CFAP61: variants seen among roughly 807,000 people sequenced by gnomAD.
The protein encoded by CFAP61 is cilia- and flagella-associated protein 61.
A neutral mutation model predicts 135.6 loss-of-function variants in CFAP61; 107 were observed. The ratio of observed to expected loss-of-function variants is 0.79; its 90% CI spans 0.67 to 0.93. CFAP61 has a LOEUF of 0.93. Ranked by LOEUF, CFAP61 falls within the 40% of genes least tolerant of loss-of-function variation. The pLI is 0.00. For synonymous variants in CFAP61, 575 were observed against 578.5 expected (o/e 0.99, Z 0.09); for missense variants, 1,507 against 1,556.2 (o/e 0.97, Z 0.53).
At position 20,119,005 on chromosome 20, in the gene CFAP61, T is replaced by A. The variant is rs987938213; in HGVS notation, c.859+20191T>A. 3.9e-5 allele frequency among the ~76,000 whole-genome samples: 6 copies of A among 152,136 alleles called. 1 individual carries two copies. The highest frequency in any genetic ancestry group is 1.2e-4 in the African/African-American group (5 of 41,434). The stretch of plus-strand genomic sequence containing the variant: ...CTGGTGAATGATATCTTTAATGTGT[T>A]ATGGAATTTGGTTTGCTAGTGTTTT... On this transcript the variant is annotated intron_variant, in intron 8 of 26. Transcript: ENST00000245957.
At chr20:20,057,250 C>T (rs1272791851) in intron 2 of CFAP61, among the ~76,000 whole-genome samples, 2 of 151,760 alleles carry the variant, frequency 1.3e-5, no homozygotes, top group African/African-American at 4.8e-5. Flanking sequence ...AAAATTGTAG[C>T]AAGAAATCTC....
At chr20:20,311,519 A>G (rs529096122) in intron 25 of CFAP61, among the ~76,000 whole-genome samples, 10 of 152,210 alleles carry the variant, frequency 6.6e-5, no homozygotes, top group Non-Finnish European at 1.2e-4. Context: ...TTCCCAGGCC[A>G]CAGCAAGGGG....
At chr20:20,319,231 A>G (rs1376847069) in intron 25 of CFAP61, among the ~76,000 whole-genome samples, 2 of 152,244 alleles carry the variant, frequency 1.3e-5, no homozygotes, top group East Asian at 3.9e-4. Context: ...TGAGTAAAGC[A>G]GGTCACTTAG....
chr20:20,112,016 G>T (rs2048834274), intron 8 of CFAP61, among the ~76,000 whole-genome samples: 1 of 152,056 alleles, frequency 6.6e-6, no homozygotes, highest in Non-Finnish European at 1.5e-5. Flanking sequence ...TTTTCCATGG[G>T]TTTCCTTTTG....
chr20:20,149,618 C>T (rs2052228714), intron 9 of CFAP61, among the ~76,000 whole-genome samples: 1 of 152,166 alleles, frequency 6.6e-6, no homozygotes, highest in South Asian at 2.1e-4. Context: ...AAAGATTTAA[C>T]CTTACCTGCC....
At chr20:20,283,336 A>G (rs950187698) in intron 22 of CFAP61, among the ~76,000 whole-genome samples, 9 of 152,220 alleles carry the variant, frequency 5.9e-5, no homozygotes, top group African/African-American at 2.2e-4. Flanking sequence ...CCCTTATCTT[A>G]AGGTCCAGAT....
At chr20:20,162,554 A>G (rs1457199519) in intron 10 of CFAP61, among the ~76,000 whole-genome samples, 1 of 152,172 alleles carries the variant, frequency 6.6e-6, no homozygotes, top group Non-Finnish European at 1.5e-5. Context: ...GCTTTTAGGA[A>G]GCTAAAAATG....
intron 8 of CFAP61, among the ~76,000 whole-genome samples, chr20:20,116,942 T>C (rs1249233553): frequency 1.3e-5 from 2 of 152,242 alleles, no homozygotes; most frequent in African/African-American, 4.8e-5. Flanking sequence ...ATATTTTTAA[T>C]GTGTTGTTGA....
chr20:20,246,275 T>G (rs931372583), intron 19 of CFAP61, 60 bp downstream of exon 19: 19 of 1,018,360 alleles, frequency 1.9e-5, no homozygotes, highest in Non-Finnish European at 3.0e-5. Flanking sequence ...GTGTGCAGTC[T>G]ATTTAATGCT....
At chr20:20,287,454 C>A (rs763945606) in intron 22 of CFAP61, among the ~76,000 whole-genome samples, 4 of 152,128 alleles carry the variant, frequency 2.6e-5, no homozygotes, top group Non-Finnish European at 4.4e-5. Context: ...ACTGAGGAAC[C>A]GAATTTTTCA....
intron 8 of CFAP61, among the ~76,000 whole-genome samples, chr20:20,109,843 T>C (rs1347219209): frequency 1.3e-5 from 2 of 152,226 alleles, no homozygotes; most frequent in East Asian, 3.8e-4. Flanking sequence ...TTGTGACCTC[T>C]TTCTCCTGAT....
At chr20:20,226,725 A>G (rs73283167) in intron 17 of CFAP61, among the ~76,000 whole-genome samples, 6,432 of 152,242 alleles carry the variant, frequency 0.042, 466 homozygotes, top group African/African-American at 0.15. Context: ...TTCTTCAACT[A>G]TCATGCAAAA....
chr20:20,355,028 A>ACACTGAGGGGAGGTGG (rs2059018959), intron 26 of CFAP61, among the ~76,000 whole-genome samples: 1 of 41,928 alleles, frequency 2.4e-5, no homozygotes, highest in African/African-American at 8.5e-5. Flanking sequence ...AGGGGAGGTG[A>ACACTGAGGGGAGGTGG]TCACACTGAG....
At chr20:20,280,147 AG>A (rs2054086615) in intron 22 of CFAP61, among the ~76,000 whole-genome samples, 1 of 152,164 alleles carries the variant, frequency 6.6e-6, no homozygotes, top group Non-Finnish European at 1.5e-5. Flanking sequence ...TCCTGGATCA[AG>A]GTTGGCCCTA....
intron 21 of CFAP61, among the ~76,000 whole-genome samples, chr20:20,264,883 C>T (rs1444151208): frequency 1.3e-5 from 2 of 152,226 alleles, no homozygotes; most frequent in East Asian, 3.9e-4. Flanking sequence ...CAGAGCAAGA[C>T]CTTATCTTAA....
At chr20:20,338,021 T>C (rs1490251570) in intron 25 of CFAP61, among the ~76,000 whole-genome samples, 1 of 152,214 alleles carries the variant, frequency 6.6e-6, no homozygotes, top group Non-Finnish European at 1.5e-5. Context: ...CCAAAGTAGA[T>C]GCGTCCATAT....
rs2044282257 is a variant in CFAP61, at chr20:20,055,852, C to T, written c.-36-766C>T. 4 of 960,988 alleles carry T rather than the reference C, an allele frequency of 4.2e-6. No homozygotes were observed. In the East Asian group the frequency reaches 9.7e-5, roughly 23 times the overall value. The allele number at this position is 960,988 out of a possible 1,614,324, so 59.5% of individuals were successfully genotyped here. A position where few individuals can be genotyped will look rare whatever the true frequency, so the allele number is the denominator to read the frequency against. ...CACTGGCTAGTATATAATAAAATGG[C>T]TTTCCCTATGAAGGAAAGAAGGGAG... On this transcript the variant is annotated intron_variant, in intron 1 of 26. Coordinates refer to ENST00000245957, the MANE Select transcript of CFAP61 (RefSeq NM_015585.4).
intron 6 of CFAP61, among the ~76,000 whole-genome samples, chr20:20,080,296 C>T (rs1401331378): frequency 6.6e-6 from 1 of 152,130 alleles, no homozygotes; most frequent in African/African-American, 2.4e-5. Flanking sequence ...TTTCACTTAA[C>T]ATAGCATCTC....
intron 19 of CFAP61, among the ~76,000 whole-genome samples, chr20:20,251,390 G>A (rs907240351): frequency 1.4e-5 from 2 of 146,072 alleles, no homozygotes; most frequent in African/African-American, 5.0e-5. Context: ...ACCTAAGCCA[G>A]GTGGAACAAT....
Sources: gnomAD v4.1 joint callset for allele counts (sites outside exome capture counted in the v4.1 genomes callset) on GRCh38, gnomAD v4.1.1 for gene constraint, MANE v1.5 for transcripts, NCBI Gene and HGNC (gene_info 2026-07-23, HGNC 2026-07-21) for gene names.